The following PTPRN2 variants were observed in gnomAD, a reference collection of about 807,000 sequenced individuals.
PTPRN2 encodes receptor-type tyrosine-protein phosphatase N2.
Under a neutral mutation model 118.8 loss-of-function variants are expected in PTPRN2, and 74 were observed. The observed-to-expected ratio is 0.62, with a 90% confidence interval of 0.52 to 0.76. The LOEUF is 0.76. Among genes scored for constraint, PTPRN2 ranks in the 30% least tolerant of loss-of-function variants. The pLI, the probability that PTPRN2 is intolerant of heterozygous loss-of-function variation, is 0.00. For missense variants in PTPRN2, 1,481 were observed against 1,394.4 expected (o/e 1.06, Z -0.99); for synonymous variants, 641 against 608.0 (o/e 1.05, Z -0.80).
At chr7:158,092,435 T>G (rs1585412171) in intron 10 of PTPRN2, among the ~76,000 whole-genome samples, 1 of 151,266 alleles carries the variant, frequency 6.6e-6, no homozygotes. Context: ...GATGGGGAGG[T>G]AGACGGATGG....
At chr7:158,264,919 C>T (rs961856338) in intron 3 of PTPRN2, among the ~76,000 whole-genome samples, 1 of 152,126 alleles carries the variant, frequency 6.6e-6, no homozygotes, top group African/African-American at 2.4e-5. Context: ...TCTTCCCTCC[C>T]TTTTCTGCCT....
chr7:157,735,165 C>T (rs758500968), intron 12 of PTPRN2, among the ~76,000 whole-genome samples: 3 of 152,210 alleles, frequency 2.0e-5, no homozygotes, highest in African/African-American at 4.8e-5. Context: ...TCCCGTGGTT[C>T]GGCCGGCGAA....
chr7:158,281,060 T>A (rs571875535), intron 3 of PTPRN2, among the ~76,000 whole-genome samples: 1 of 152,324 alleles, frequency 6.6e-6, no homozygotes, highest in South Asian at 2.1e-4. Flanking sequence ...TCCCACCACT[T>A]TGGGAGGCCG....
chr7:157,613,454 C>T (rs929709043), intron 15 of PTPRN2, among the ~76,000 whole-genome samples: 5 of 152,218 alleles, frequency 3.3e-5, no homozygotes, highest in Non-Finnish European at 7.3e-5. Flanking sequence ...GCGGCTGCGG[C>T]CAGAGACTTC....
chr7:158,394,919 G>C (rs1310433195), intron 2 of PTPRN2, among the ~76,000 whole-genome samples: 1 of 152,190 alleles, frequency 6.6e-6, no homozygotes, highest in Non-Finnish European at 1.5e-5. Flanking sequence ...TGTGCAGGCC[G>C]CATCTCTGCA....
intron 3 of PTPRN2, among the ~76,000 whole-genome samples, chr7:158,292,111 C>G (rs1036210340): frequency 1.3e-5 from 2 of 152,210 alleles, no homozygotes; most frequent in Non-Finnish European, 2.9e-5. Flanking sequence ...CCCTCCTCTC[C>G]CCACCTTCCT....
intron 13 of PTPRN2, among the ~76,000 whole-genome samples, chr7:157,665,285 CCA>C (rs1223320560): frequency 6.6e-5 from 10 of 152,230 alleles, no homozygotes; most frequent in Non-Finnish European, 1.5e-4. Flanking sequence ...CCACAGCGGC[CCA>C]GTGTGTGCAG....
intron 10 of PTPRN2, among the ~76,000 whole-genome samples, chr7:158,097,453 T>C (rs1814722398): frequency 6.6e-6 from 1 of 152,228 alleles, no homozygotes; most frequent in East Asian, 1.9e-4. Context: ...GGAGAGCACA[T>C]GAAGATTGAT....
At chr7:158,343,951 G>A (rs1234175350) in intron 2 of PTPRN2, among the ~76,000 whole-genome samples, 2 of 152,098 alleles carry the variant, frequency 1.3e-5, no homozygotes, top group African/African-American at 4.8e-5. Context: ...TCCCAAAGAA[G>A]ACCAGTGAAC....
chr7:158,072,714 A>G (rs1812037722), intron 11 of PTPRN2, among the ~76,000 whole-genome samples: 2 of 152,056 alleles, frequency 1.3e-5, no homozygotes, highest in African/African-American at 4.8e-5. Flanking sequence ...TCAACTGTGC[A>G]CTCACAGGGG....
rs1033353352 is a variant in PTPRN2, at chr7:158,093,111, C to T, written c.1644-11734G>A. 5.3e-5 allele frequency among the ~76,000 whole-genome samples: 8 copies of T among 152,232 alleles called. No homozygotes were observed. The highest frequency in any genetic ancestry group is 1.7e-4 in the African/African-American group (7 of 41,516). ...CACGAGTATAAGTGTGAGACCCACA[C>T]GCAGGCCTGCACCTCTGTCCTTTCC... On this transcript the variant is annotated intron_variant, in intron 10 of 22. Coordinates refer to ENST00000389418, the MANE Select transcript of PTPRN2 (RefSeq NM_002847.5). This position sits in a 1 kb window ranked among gnomAD's most constrained non-coding sequence, Gnocchi z 4.4.
Position 158,525,976 on chromosome 7 carries a change from T to C in PTPRN2, c.113-36191A>G, listed in dbSNP as rs1199234531. ...ATCCCAAGCCGACAATGCCCCCCCA[T>C]TGACTCGGCTCTCTGCAGACCTGCA... On this transcript the variant is annotated intron_variant, in intron 1 of 22. Transcript: ENST00000389418. The surrounding 1 kb of genome is among the most constrained non-coding windows in gnomAD (Gnocchi z 4.1). Among the ~76,000 whole-genome samples, 1 of 152,144 alleles carries C rather than the reference T, an allele frequency of 6.6e-6. No individual in the cohort carries two copies. The highest frequency in any genetic ancestry group is 1.5e-5 in the Non-Finnish European group (1 of 68,016).
intron 1 of PTPRN2, among the ~76,000 whole-genome samples, chr7:158,564,769 C>T (rs951400312): frequency 1.3e-5 from 2 of 152,228 alleles, no homozygotes; most frequent in African/African-American, 2.4e-5. Context: ...GGCCAGAGGG[C>T]GGGCAGCTCA....
chr7:157,662,118 T>C (rs1027704224), intron 13 of PTPRN2, among the ~76,000 whole-genome samples: 6 of 152,212 alleles, frequency 3.9e-5, no homozygotes, highest in African/African-American at 1.2e-4. Flanking sequence ...GCTTCAGGTC[T>C]TACTGACTGT....
Position 157,722,068 on chromosome 7 carries a change from T to C in PTPRN2, c.1789-39131A>G, listed in dbSNP as rs1419315690. Among the ~76,000 whole-genome samples the C allele has an allele frequency of 2.0e-5, 3 of 152,024 alleles. No homozygotes were observed. In the East Asian group the frequency reaches 5.8e-4, roughly 29 times the overall value. Reference sequence around the variant, plus strand: ...CAGCCACCAACCAAGAAACATTGTCTGTATCTGGCAGCATTTGGTCCCTGT... The same window carrying C: ...CAGCCACCAACCAAGAAACATTGTCCGTATCTGGCAGCATTTGGTCCCTGT... On this transcript the variant is annotated intron_variant, in intron 12 of 22. Coordinates refer to ENST00000389418, the MANE Select transcript of PTPRN2 (RefSeq NM_002847.5).
intron 10 of PTPRN2, among the ~76,000 whole-genome samples, chr7:158,084,600 C>T (rs1194370030): frequency 6.6e-6 from 1 of 152,012 alleles, no homozygotes; most frequent in East Asian, 1.9e-4. Flanking sequence ...AATATTACAG[C>T]TCTCGGGGAG....
intron 14 of PTPRN2, among the ~76,000 whole-genome samples, chr7:157,624,655 G>T (rs1336806655): frequency 6.6e-6 from 1 of 152,202 alleles, no homozygotes; most frequent in African/African-American, 2.4e-5. Flanking sequence ...TCTATTTAAT[G>T]CGTGTTGCTT....
At chr7:158,453,476 C>G (rs58286651) in intron 2 of PTPRN2, among the ~76,000 whole-genome samples, 3 of 147,268 alleles carry the variant, frequency 2.0e-5, no homozygotes, top group Non-Finnish European at 3.0e-5. Context: ...AGTCCTCACC[C>G]TACAGTGCAG....
At chr7:157,849,486 G>A (rs1219402992) in intron 12 of PTPRN2, among the ~76,000 whole-genome samples, 1 of 152,210 alleles carries the variant, frequency 6.6e-6, no homozygotes, top group Non-Finnish European at 1.5e-5. Flanking sequence ...AGATGCTGCT[G>A]CAGCCCCACG....
Sources: allele counts gnomAD v4.1 joint callset (sites outside exome capture counted in the v4.1 genomes callset), GRCh38; gene constraint gnomAD v4.1.1; non-coding constraint Gnocchi (gnomAD v3.1); transcripts MANE v1.5; gene names NCBI Gene and HGNC (gene_info 2026-07-23, HGNC 2026-07-21).